DAB1: variants seen among roughly 807,000 people sequenced by gnomAD.
DAB1 encodes the protein disabled homolog 1.
A neutral mutation model predicts 64.6 loss-of-function variants in DAB1; 15 were observed. That is an observed-to-expected ratio of 0.23 (90% CI 0.16 to 0.36). The LOEUF (loss-of-function observed/expected upper bound fraction) is 0.36. Ranked by LOEUF, DAB1 falls within the 10% of genes least tolerant of loss-of-function variation. The pLI, the probability that DAB1 is intolerant of heterozygous loss-of-function variation, is 1.00. For missense variants in DAB1, 596 were observed against 706.7 expected, an observed-to-expected ratio of 0.84 and a Z score of 1.78; for synonymous variants, 235 against 251.9, an observed-to-expected ratio of 0.93 and a Z score of 0.64.
intron 2 of DAB1, among the ~76,000 whole-genome samples, chr1:57,279,546 A>G (rs1671728797): frequency 6.6e-6 from 1 of 152,172 alleles, no homozygotes; most frequent in South Asian, 2.1e-4. Flanking sequence ...CATCATTCAC[A>G]ATAGCCAAGA....
At chr1:57,216,260 G>A (rs1330686872) in intron 2 of DAB1, among the ~76,000 whole-genome samples, 1 of 152,082 alleles carries the variant, frequency 6.6e-6, no homozygotes, top group African/African-American at 2.4e-5. Context: ...ATAAGGTGGA[G>A]TGAATGTGCC....
intron 1 of DAB1, among the ~76,000 whole-genome samples, chr1:57,308,506 TGG>T (rs1674390470): frequency 6.6e-6 from 1 of 152,100 alleles, no homozygotes; most frequent in Non-Finnish European, 1.5e-5. Context: ...ACATGTAAAG[TGG>T]GGATTTAAAA....
intron 3 of DAB1, among the ~76,000 whole-genome samples, chr1:58,476,204 G>A (rs1314313930): frequency 6.6e-6 from 1 of 151,722 alleles, no homozygotes; most frequent in Non-Finnish European, 1.5e-5. Context: ...CACATAATTA[G>A]GTACTCAAAC....
Position 57,768,089 on chromosome 1 carries a change from A to C in DAB1, n.551+115910T>G, listed in dbSNP as rs189387391. Among the ~76,000 whole-genome samples, 251 of 147,094 alleles carry C rather than the reference A, an allele frequency of 1.7e-3. 1 individual carries two copies. Among genetic ancestry groups the C allele is most frequent in the African/African-American group, 6.0e-3 (239 of 40,100 alleles). On this transcript the variant is annotated intron_variant and non_coding_transcript_variant, in intron 6 of 20. Coordinates refer to the DAB1 transcript ENST00000485760. ...CTACTTGGGAGGCTGAAGTAGGAGA[A>C]TTGCTTGAACCTGGGATACCGAGGT...
At chr1:57,039,265 G>T (rs75391419) in intron 9 of DAB1, among the ~76,000 whole-genome samples, 2,155 of 152,270 alleles carry the variant, frequency 0.014, 52 homozygotes, top group African/African-American at 0.049. Context: ...GCAGTGAGAA[G>T]ACTGATGTAT....
At chr1:58,141,201 T>C (rs1654265092) in intron 5 of DAB1, among the ~76,000 whole-genome samples, 1 of 152,004 alleles carries the variant, frequency 6.6e-6, no homozygotes, top group Non-Finnish European at 1.5e-5. Flanking sequence ...CGAGACTGGG[T>C]AATTTACAAA....
At chr1:58,347,139 C>A (rs892344566) in intron 3 of DAB1, among the ~76,000 whole-genome samples, 1 of 152,132 alleles carries the variant, frequency 6.6e-6, no homozygotes, top group Non-Finnish European at 1.5e-5. Context: ...CAAAGTTTCG[C>A]TCTTGTTGCC....
At chr1:57,720,276 CA>C (rs1402626164) in intron 6 of DAB1, among the ~76,000 whole-genome samples, 3 of 152,186 alleles carry the variant, frequency 2.0e-5, no homozygotes, top group African/African-American at 7.2e-5. Context: ...CTACTCAAAG[CA>C]ATCCTATGGC....
intron 7 of DAB1, among the ~76,000 whole-genome samples, chr1:57,606,564 T>TTATATATTA (rs376381766): frequency 3.0e-5 from 2 of 65,838 alleles, no homozygotes; most frequent in African/African-American, 9.8e-5. Context: ...ATATTATATA[T>TTATATATTA]TATATATGAA....
intron 1 of DAB1, among the ~76,000 whole-genome samples, chr1:57,347,447 G>C (rs1057015621): frequency 6.6e-6 from 1 of 152,190 alleles, no homozygotes; most frequent in Non-Finnish European, 1.5e-5. Flanking sequence ...CTAATGGTAT[G>C]AAAGAGCTCT....
intron 7 of DAB1, among the ~76,000 whole-genome samples, chr1:57,611,351 C>T (rs1534047): frequency 6.6e-6 from 1 of 151,876 alleles, no homozygotes; most frequent in Non-Finnish European, 1.5e-5. Flanking sequence ...TGTTCTATCA[C>T]CTCCTGCATC....
At chr1:57,194,173 A>G (rs1569845829) in intron 2 of DAB1, among the ~76,000 whole-genome samples, 1 of 152,178 alleles carries the variant, frequency 6.6e-6, no homozygotes, top group East Asian at 1.9e-4. Flanking sequence ...AGATTGCTGA[A>G]CCCCACACCC....
chr1:57,579,889 C>T (rs1369248747), intron 7 of DAB1, among the ~76,000 whole-genome samples: 2 of 152,184 alleles, frequency 1.3e-5, no homozygotes, highest in Admixed American at 1.3e-4. Flanking sequence ...TCATTACACT[C>T]ACAGTTCTCT....
At chr1:58,440,519 G>C (rs1253017340) in intron 3 of DAB1, among the ~76,000 whole-genome samples, 1 of 152,186 alleles carries the variant, frequency 6.6e-6, no homozygotes, top group Non-Finnish European at 1.5e-5. Flanking sequence ...TTTGGATCTT[G>C]ACATTTTCCT....
chr1:57,318,353 T>C (rs964811474), intron 1 of DAB1, among the ~76,000 whole-genome samples: 1 of 152,122 alleles, frequency 6.6e-6, no homozygotes, highest in Admixed American at 6.5e-5. Flanking sequence ...AAGTACTAAG[T>C]AAACAAAATG....
At chr1:58,047,596 C>T (rs1203567905) in intron 5 of DAB1, among the ~76,000 whole-genome samples, 4 of 152,128 alleles carry the variant, frequency 2.6e-5, no homozygotes, top group Admixed American at 1.3e-4. Context: ...TTAACCCATT[C>T]GCTTGTTTAT....
chr1:58,186,788 G>C (rs1039638726), intron 4 of DAB1, among the ~76,000 whole-genome samples: 1 of 152,130 alleles, frequency 6.6e-6, no homozygotes, highest in Non-Finnish European at 1.5e-5. Context: ...TGACGGAATT[G>C]GGCCAAGTTT....
chr1:57,369,734 C>T (rs1050456274), intron 1 of DAB1, among the ~76,000 whole-genome samples: 3 of 152,156 alleles, frequency 2.0e-5, no homozygotes, highest in African/African-American at 7.2e-5. Context: ...TAGGAAACCT[C>T]CTCCTCTAAA....
At chr1:57,542,276 A>T (rs2101452662) in intron 7 of DAB1, among the ~76,000 whole-genome samples, 1 of 152,024 alleles carries the variant, frequency 6.6e-6, no homozygotes, top group Middle Eastern at 3.4e-3. Flanking sequence ...TAAACCCAAA[A>T]GGAAATTCTT....
Sources: allele counts gnomAD v4.1 joint callset (sites outside exome capture counted in the v4.1 genomes callset), GRCh38; gene constraint gnomAD v4.1.1; transcripts MANE v1.5; gene names NCBI Gene and HGNC (gene_info 2026-07-23, HGNC 2026-07-21).